PLCH2: variants seen among roughly 807,000 people sequenced by gnomAD.
The protein encoded by PLCH2 is 1-phosphatidylinositol 4,5-bisphosphate phosphodiesterase eta-2.
PLCH2 carries 98 observed loss-of-function variants against 134.7 expected under a neutral mutation model. The ratio of observed to expected loss-of-function variants is 0.73; its 90% confidence interval spans 0.62 to 0.86. The LOEUF (loss-of-function observed/expected upper bound fraction) is 0.86. Among genes scored for constraint, PLCH2 ranks in the 40% least tolerant of loss-of-function variants. The pLI is 0.00. For synonymous variants in PLCH2, 974 were observed against 827.5 expected, an observed-to-expected ratio of 1.18 and a Z score of -3.04; for missense variants, 1,994 against 1,986.6, an observed-to-expected ratio of 1.00 and a Z score of -0.07.
intron 2 of PLCH2, among the ~76,000 whole-genome samples, chr1:2,450,181 C>T (rs1005226878): frequency 3.9e-5 from 6 of 152,090 alleles, no homozygotes; most frequent in South Asian, 2.1e-4. Flanking sequence ...GGCTGGGCCT[C>T]GACGGGGGGG....
At chr1:2,423,938 T>G (rs1365328175), upstream of PLCH2, among the ~76,000 whole-genome samples, 1 of 152,160 alleles carries the variant, frequency 6.6e-6, no homozygotes, top group African/African-American at 2.4e-5. Flanking sequence ...TCCCCCTCCC[T>G]TCTTCTCTGA....
chr1:2,486,040 C>T (rs1291656426), intron 5 of PLCH2, among the ~76,000 whole-genome samples: 6 of 152,164 alleles, frequency 3.9e-5, no homozygotes, highest in African/African-American at 9.7e-5. Context: ...CCCACTGTCT[C>T]GGATGCCCTG....
chr1:2,498,850 G>A lies in PLCH2; in HGVS notation c.2434+22G>A, dbSNP rs372036848. Reference sequence around the variant, plus strand: ...AACGGTGAGGCTGGGCCGTGGCTCCGTCACACCTGTGATGGAAGTCTGAGG... The same window carrying A: ...AACGGTGAGGCTGGGCCGTGGCTCCATCACACCTGTGATGGAAGTCTGAGG... On this transcript the variant is annotated intron_variant, in intron 18 of 21. Transcript: ENST00000378486. The surrounding 1 kb of genome is among the most constrained non-coding windows in gnomAD (Gnocchi z 5.4). 4,144 of 1,565,374 alleles carry A rather than the reference G, an allele frequency of 2.6e-3. 4 individuals carry two copies. Among genetic ancestry groups the A allele is most frequent in the Non-Finnish European group, 3.1e-3 (3,522 of 1,141,168 alleles).
chr1:2,467,521 T>C (rs899961248), exon 1 of PLCH2: 2 of 397,482 alleles, frequency 5.0e-6, no homozygotes, highest in Admixed American at 8.8e-5. Flanking sequence ...GCGCGCGGGG[T>C]GCCCCTGCTC....
chr1:2,441,242 GC>G (rs1639679262), intron 2 of PLCH2, among the ~76,000 whole-genome samples: 1 of 152,246 alleles, frequency 6.6e-6, no homozygotes, highest in African/African-American at 2.4e-5. Flanking sequence ...GCCCCTGCCA[GC>G]CCCTGCTGTG....
Position 2,504,822 on chromosome 1 carries a change from G to C in PLCH2, c.3860G>C (p.Arg1287Pro), listed in dbSNP as rs769524187. Residue 1287 changes from arginine (R) to proline (P), a missense_variant, in exon 22 of 22, where the codon CGG becomes CCG. Arg to Pro is a moderately radical substitution (Grantham distance 103). Coordinates refer to ENST00000378486, the MANE Select transcript of PLCH2 (RefSeq NM_014638.4). ...SHSLGLPGGTRRVSGPGVRRD... is the reference protein window; with the variant it reads ...SHSLGLPGGTPRVSGPGVRRD... The stretch of plus-strand genomic sequence containing the variant: ...AGCCTGGGCCTCCCGGGAGGGACAC[G>C]GCGGGTGTCGGGGCCAGGGGTGAGA... The C allele has an allele frequency of 2.5e-6, 4 of 1,609,694 alleles. No homozygotes were observed. Among genetic ancestry groups the C allele is most frequent in the Non-Finnish European group, 3.4e-6 (4 of 1,178,684 alleles).
chr1:2,485,388 T>C (rs1042897171), intron 5 of PLCH2, among the ~76,000 whole-genome samples: 1 of 152,154 alleles, frequency 6.6e-6, no homozygotes, highest in African/African-American at 2.4e-5. Flanking sequence ...CAGGGATCCA[T>C]GGGAGGGGCT....
intron 2 of PLCH2, among the ~76,000 whole-genome samples, chr1:2,438,876 A>G (rs933770181): frequency 6.6e-6 from 1 of 152,162 alleles, no homozygotes; most frequent in African/African-American, 2.4e-5. Context: ...CAGCGTGTGC[A>G]GGGGGGAACC....
At chr1:2,458,751 C>G (rs536051872) in intron 2 of PLCH2, among the ~76,000 whole-genome samples, 2 of 152,334 alleles carry the variant, frequency 1.3e-5, no homozygotes, top group East Asian at 1.9e-4. Context: ...GGCAGCCCCC[C>G]AAAGACCCAT....
chr1:2,470,719 C>A (rs1163220631), intron 1 of PLCH2, among the ~76,000 whole-genome samples: 1 of 152,156 alleles, frequency 6.6e-6, no homozygotes, highest in African/African-American at 2.4e-5. Context: ...GCCCGAGGAC[C>A]CTCCCCTTGG....
chr1:2,460,301 G>C (rs889467664), intron 2 of PLCH2, among the ~76,000 whole-genome samples: 2 of 152,278 alleles, frequency 1.3e-5, no homozygotes, highest in African/African-American at 4.8e-5. Flanking sequence ...GTGTCTCCCA[G>C]ACCAGAAGCC....
At chr1:2,495,416 A>C (rs1180839082) in intron 12 of PLCH2, 72 bp from the exon 13 acceptor site, 6 of 1,330,036 alleles carry the variant, frequency 4.5e-6, no homozygotes, top group Non-Finnish European at 6.3e-6. Context: ...GGCCCTCCCC[A>C]ACCCCCCAGC....
chr1:2,503,908 C>T lies in PLCH2; in HGVS notation c.2960-14C>T, dbSNP rs757262519. On this transcript the variant is annotated splice_polypyrimidine_tract_variant and intron_variant, in intron 21 of 21. Transcript: ENST00000378486. ...CTCCCTCTGGCTCTCTCTCACTCCCCCACCTCCCCACAGACACCCGCCCCC... is the reference window on the plus strand; with the variant it reads ...CTCCCTCTGGCTCTCTCTCACTCCCTCACCTCCCCACAGACACCCGCCCCC... 6 of 725,420 alleles carry T rather than the reference C, an allele frequency of 8.3e-6. No homozygotes were observed. The highest frequency in any genetic ancestry group is 1.2e-5 in the Non-Finnish European group (5 of 412,616). The allele number at this position is 725,420 out of a possible 1,614,324, so 44.9% of individuals were successfully genotyped here. A position where few individuals can be genotyped will look rare whatever the true frequency, so the allele number is the denominator to read the frequency against.
chr1:2,487,681 A>G lies in PLCH2; in HGVS notation c.1198A>G (p.Ile400Val), dbSNP rs1264750441. ...LTSKILFKDV[I>V]ETINKYAFIK... is the part of the protein sequence containing the mutation. ...TTCCAAGATCCTCTTCAAAGACGTC[A>G]TTGAAACCATCAACAAATATGCCTT... is the stretch of plus-strand genomic sequence containing the variant. The change falls in exon 8 of 22, where the codon ATT (isoleucine) becomes GTT (valine). Residue 400 changes from isoleucine (I) to valine (V), a missense_variant. Ile to Val is a conservative substitution (Grantham distance 29). Transcript: ENST00000378486. The G allele has an allele frequency of 1.2e-6, 2 of 1,613,450 alleles. No homozygotes were observed. Among genetic ancestry groups the G allele is most frequent in the African/African-American group, 2.7e-5 (2 of 75,066 alleles).
At chr1:2,497,729 A>G in intron 16 of PLCH2, 120 bp downstream of exon 16, 1 of 614,536 alleles carries the variant, frequency 1.6e-6, no homozygotes, top group Non-Finnish European at 2.8e-6. Context: ...GCTTTGGCAG[A>G]GTCCCCTGGA....
At position 2,478,604 on chromosome 1, in the gene PLCH2, A is replaced by G; in HGVS notation, c.253A>G (p.Lys85Glu). The part of the protein sequence containing the change: ...RSCIRWRPSR[K>E]NEKAKISIDS... Reference sequence around the variant, plus strand: ...CTGCATCCGCTGGAGGCCCTCACGCAAGAACGAGAAGGCCAAGAGTGAGTG... The same window carrying G: ...CTGCATCCGCTGGAGGCCCTCACGCGAGAACGAGAAGGCCAAGAGTGAGTG... Residue 85 changes from lysine (K) to glutamate (E), a missense_variant, in exon 2 of 22, where the codon AAG (lysine) becomes GAG (glutamate). By Grantham distance (56) the Lys-to-Glu change is moderately conservative (BLOSUM62 1). Transcript: ENST00000378486. 6.2e-7 allele frequency: 1 copy of G among 1,610,652 alleles called. No homozygotes were observed. Among genetic ancestry groups the G allele is most frequent in the Non-Finnish European group, 8.5e-7 (1 of 1,178,976 alleles).
At position 2,496,871 on chromosome 1, in the gene PLCH2, C is replaced by T. The variant is rs1483783730; in HGVS notation, c.1977C>T (p.Ala659=). The part of the protein sequence containing the change: ...WQVSSFSETK[A]HQILQQKPAQ... Reference sequence around the variant, plus strand: ...TGTCGTCCTTCAGCGAGACCAAGGCCCACCAGATTCTGCAGCAGAAGCCGG... The same window carrying T: ...TGTCGTCCTTCAGCGAGACCAAGGCTCACCAGATTCTGCAGCAGAAGCCGG... The change falls in exon 15 of 22, where the codon GCC becomes GCT. Residue 659 remains alanine (A), a synonymous_variant. Transcript: ENST00000378486. 1 of 1,612,960 alleles carries T rather than the reference C, an allele frequency of 6.2e-7. No homozygotes were observed.
rs1238028691 is a variant in PLCH2 at position 2,487,383 on chromosome 1, C to T, written c.1114+7C>T. 1.2e-6 allele frequency: 2 copies of T among 1,610,768 alleles called. No homozygotes were observed. The highest frequency in any genetic ancestry group is 1.7e-6 in the Non-Finnish European group (2 of 1,178,112). ...GGCTGCCGCTGCGTGGAGGGTAAGC[C>T]CTGGACCTTGGGTGACGGCCGTGGG... is the stretch of plus-strand genomic sequence containing the variant. On this transcript the variant is annotated splice_region_variant and intron_variant, in intron 7 of 21. Transcript: ENST00000378486.
intron 1 of PLCH2, among the ~76,000 whole-genome samples, chr1:2,471,109 A>T (rs1379472958): frequency 6.6e-6 from 1 of 151,828 alleles, no homozygotes; most frequent in Non-Finnish European, 1.5e-5. Context: ...CCCCTTCCTG[A>T]TGGGGCTGTC....
Sources: allele counts gnomAD v4.1 joint callset (sites outside exome capture counted in the v4.1 genomes callset), GRCh38; gene constraint gnomAD v4.1.1; non-coding constraint Gnocchi (gnomAD v3.1); transcripts MANE v1.5; gene names NCBI Gene and HGNC (gene_info 2026-07-23, HGNC 2026-07-21).